Variants in DDX23 observed in about 807,000 individuals in gnomAD.
DDX23 encodes probable ATP-dependent RNA helicase DDX23.
Under a neutral mutation model 102.7 loss-of-function variants are expected in DDX23, and 33 were observed. That is an observed-to-expected ratio of 0.32 (90% CI 0.24 to 0.43). The LOEUF (loss-of-function observed/expected upper bound fraction) is 0.43. DDX23 is among the 20% of genes least tolerant of loss of function. DDX23 has a pLI of 1.00. For missense variants in DDX23, 549 were observed against 1,086.6 expected, an observed-to-expected ratio of 0.51 and a Z score of 6.96; for synonymous variants, 352 against 376.0, an observed-to-expected ratio of 0.94 and a Z score of 0.74.
rs767440835 is a variant in DDX23, at chr12:48,832,483, C to T, written c.1894G>A (p.Ala632Thr). 1.2e-6 allele frequency: 2 copies of T among 1,614,174 alleles called. No homozygotes were observed. The highest frequency in any genetic ancestry group is 1.7e-6 in the Non-Finnish European group (2 of 1,180,030). Residue 632 changes from alanine to threonine, a missense_variant, in exon 14 of 17, where the codon GCA becomes ACA. Physicochemically the swap from Ala to Thr is moderately conservative, Grantham distance 58. Coordinates refer to ENST00000308025, the MANE Select transcript of DDX23 (RefSeq NM_004818.3). This position sits in a 1 kb window ranked among gnomAD's most constrained non-coding sequence, Gnocchi z 4.4. Reference protein sequence around the residue: ...RRPAVVYIGSAGKPHERVEQK... With the variant: ...RRPAVVYIGSTGKPHERVEQK... ...TCCACACGCTCATGGGGCTTGCCTG[C>T]GGAGCCAATGTACACCACAGCAGGT...
chr12:48,832,904 C>A lies in DDX23; in HGVS notation c.1804-331G>T. 2.2e-6 allele frequency: 1 copy of A among 451,992 alleles called. No homozygotes were observed. Among genetic ancestry groups the A allele is most frequent in the Non-Finnish European group, 4.0e-6 (1 of 250,732 alleles). The allele number at this position is 451,992 out of a possible 1,614,324, so 28.0% of individuals were successfully genotyped here. ...GGACTGTCAGAGGACTGTACCTAGG[C>A]ACACTTCATTCTAGAAACATGTACT... On this transcript the variant is annotated intron_variant, in intron 13 of 16. Transcript: ENST00000308025. The surrounding 1 kb of genome is among the most constrained non-coding windows in gnomAD (Gnocchi z 4.4).
chr12:48,847,361 A>G (rs1159618676), intron 1 of DDX23: 1 of 152,096 alleles, frequency 6.6e-6, no homozygotes, highest in Non-Finnish European at 1.5e-5. Flanking sequence ...CTAAAAATAC[A>G]AAAATTAGCC....
chr12:48,840,621 C>T (rs1938534739), intron 3 of DDX23, among the ~76,000 whole-genome samples: 1 of 149,810 alleles, frequency 6.7e-6, no homozygotes, highest in African/African-American at 2.5e-5. Flanking sequence ...GGTGTGATCT[C>T]AGCTCACTGC....
At chr12:48,846,162 A>C (rs982222524) in intron 1 of DDX23, among the ~76,000 whole-genome samples, 2 of 152,060 alleles carry the variant, frequency 1.3e-5, no homozygotes, top group African/African-American at 2.4e-5. Context: ...ACAGGGTCTC[A>C]CTATGCTGCC....
At chr12:48,843,548 T>C (rs1465151558) in intron 3 of DDX23, among the ~76,000 whole-genome samples, 2 of 43,346 alleles carry the variant, frequency 4.6e-5, no homozygotes, top group African/African-American at 7.3e-5. Flanking sequence ...TCTTTCTTTC[T>C]TTTTTTTTTT....
intron 2 of DDX23, among the ~76,000 whole-genome samples, chr12:48,845,150 C>CA (rs1938642651): frequency 1.0e-5 from 1 of 98,036 alleles, no homozygotes. Flanking sequence ...GAAACTCCAT[C>CA]TTTTAAAAAA....
At position 48,836,431 on chromosome 12, in the gene DDX23, C is replaced by T; in HGVS notation, c.1236+138G>A. On this transcript the variant is annotated intron_variant, in intron 10 of 16. Coordinates refer to ENST00000308025, the MANE Select transcript of DDX23 (RefSeq NM_004818.3). This position sits in a 1 kb window ranked among gnomAD's most constrained non-coding sequence, Gnocchi z 6.1. ...ACCTAATCACTAAAAGCCAACACTT[C>T]TACCAGAAAGTGACAGAAAAGGTCA... is the stretch of plus-strand genomic sequence containing the variant. 1 of 1,242,420 alleles carries T rather than the reference C, an allele frequency of 8.0e-7. No homozygotes were observed. The highest frequency in any genetic ancestry group is 1.1e-6 in the Non-Finnish European group (1 of 880,214). 77.0% of individuals were successfully genotyped at this position (1,242,420 alleles called of 1,614,324 possible). A position where few individuals can be genotyped will look rare whatever the true frequency, so the allele number is the denominator to read the frequency against.
At chr12:48,849,665 GAA>G (rs906583243) in intron 1 of DDX23, among the ~76,000 whole-genome samples, 2 of 133,940 alleles carry the variant, frequency 1.5e-5, no homozygotes, top group Non-Finnish European at 1.6e-5. Context: ...TGTCTCGAGA[GAA>G]AAAAAAAAAA....
intron 3 of DDX23, among the ~76,000 whole-genome samples, chr12:48,841,393 A>G (rs1232151770): frequency 6.6e-6 from 1 of 151,932 alleles, no homozygotes; most frequent in Non-Finnish European, 1.5e-5. Context: ...TCTCAAAAAA[A>G]CCCCCAAAGA....
intron 5 of DDX23, chr12:48,839,593 T>C: frequency 2.9e-6 from 1 of 346,494 alleles, no homozygotes; most frequent in Non-Finnish European, 5.1e-6. Context: ...AAGGGCCTTT[T>C]AGGGTGAGCC....
intron 3 of DDX23, among the ~76,000 whole-genome samples, chr12:48,841,726 G>A (rs1235958763): frequency 6.6e-6 from 1 of 152,256 alleles, no homozygotes; most frequent in Non-Finnish European, 1.5e-5. Flanking sequence ...GCCTCCCGAG[G>A]TGCCGGGATG....
At chr12:48,844,234 T>C (rs1242025269) in intron 2 of DDX23, among the ~76,000 whole-genome samples, 184 bp from the exon 3 acceptor site, 2 of 152,194 alleles carry the variant, frequency 1.3e-5, no homozygotes, top group African/African-American at 2.4e-5. Flanking sequence ...TACTGTTAAA[T>C]ATTAACGGCA....
rs1938354369 is a variant in DDX23, at chr12:48,829,884, T to C, written c.*585A>G. On this transcript the variant is annotated 3_prime_UTR_variant, in exon 17 of 17. Coordinates refer to ENST00000308025, the MANE Select transcript of DDX23 (RefSeq NM_004818.3). ...AGTTCACCGTGTCCCCCCATCTACT[T>C]AGAAAATCCCCTGGGGGAGGGGATG... 1.2e-5 allele frequency: 3 copies of C among 258,152 alleles called. No homozygotes were observed. Among genetic ancestry groups the C allele is most frequent in the South Asian group, 4.6e-5 (1 of 21,572 alleles). 16.0% of individuals were successfully genotyped at this position (258,152 alleles called of 1,614,324 possible). A position where few individuals can be genotyped will look rare whatever the true frequency, so the allele number is the denominator to read the frequency against.
chr12:48,834,298 G>A, intron 12 of DDX23, 22 bp downstream of exon 12: 1 of 1,589,826 alleles, frequency 6.3e-7, no homozygotes. Flanking sequence ...CAGCAGGCTG[G>A]CTGCTAGATA....
Position 48,837,060 on chromosome 12 carries a change from G to T in DDX23, c.867-23C>A. On this transcript the variant is annotated intron_variant, in intron 8 of 16. Transcript: ENST00000308025. ...TACCTGGGATTGAGATAGAGGAAAAGAAAAAAGAAGGAGCTGTTAACGGCA... is the reference window on the plus strand; with the variant it reads ...TACCTGGGATTGAGATAGAGGAAAATAAAAAAGAAGGAGCTGTTAACGGCA... The T allele has an allele frequency of 1.9e-6, 3 of 1,610,390 alleles. No homozygotes were observed. The South Asian group carries it at 3.3e-5, about 18-fold the overall frequency.
intron 5 of DDX23, 90 bp downstream of exon 5, chr12:48,839,754 G>A: frequency 7.3e-7 from 1 of 1,361,250 alleles, no homozygotes; most frequent in Admixed American, 2.0e-5. Flanking sequence ...AGAACTGTGA[G>A]AAAATTAACT....
At chr12:48,848,698 C>T (rs1273887327) in intron 1 of DDX23, among the ~76,000 whole-genome samples, 1 of 152,078 alleles carries the variant, frequency 6.6e-6, no homozygotes, top group African/African-American at 2.4e-5. Context: ...GATCCTCCTG[C>T]CTAGGCCTCC....
At chr12:48,831,565 C>A (rs556592968) in intron 15 of DDX23, among the ~76,000 whole-genome samples, 3 of 152,162 alleles carry the variant, frequency 2.0e-5, no homozygotes, top group African/African-American at 7.2e-5. Flanking sequence ...GCTGGGAGAG[C>A]GGTGGAGCCA....
Position 48,840,584 on chromosome 12 carries a change from A to G in DDX23, c.321-478T>C, listed in dbSNP as rs953682904. 4.2e-5 allele frequency among the ~76,000 whole-genome samples: 6 copies of G among 143,522 alleles called. No homozygotes were observed. The East Asian group carries it at 1.2e-3, about 29-fold the overall frequency. The allele number at this position is 143,522 out of a possible 152,430, so 94.2% of individuals were successfully genotyped here. A position where few individuals can be genotyped will look rare whatever the true frequency, so the allele number is the denominator to read the frequency against. On this transcript the variant is annotated intron_variant, in intron 3 of 16. Coordinates refer to ENST00000308025, the MANE Select transcript of DDX23 (RefSeq NM_004818.3). ...TTTTTTTTTTTTGAGACACAGTCTCACTCTGTCGCCCAGGCTGGAGTGCAA... is the reference window on the plus strand; with the variant it reads ...TTTTTTTTTTTTGAGACACAGTCTCGCTCTGTCGCCCAGGCTGGAGTGCAA...
Sources: allele counts gnomAD v4.1 joint callset (sites outside exome capture counted in the v4.1 genomes callset), GRCh38; gene constraint gnomAD v4.1.1; non-coding constraint Gnocchi (gnomAD v3.1); transcripts MANE v1.5; gene names NCBI Gene and HGNC (gene_info 2026-07-23, HGNC 2026-07-21).